BAALC: variants seen among roughly 807,000 people sequenced by gnomAD.
The protein encoded by BAALC is BAALC binder of MAP3K1 and KLF4.
BAALC carries 9 observed loss-of-function variants against 15.5 expected under a neutral mutation model. The observed-to-expected ratio is 0.58, with a 90% CI of 0.35 to 1.02. The LOEUF is 1.02. Among genes scored for constraint, BAALC ranks in the 50% least tolerant of loss-of-function variants. The probability of loss-of-function intolerance (pLI) is 0.02; values close to 1 mark genes in which losing one functional copy is unlikely to be tolerated. For synonymous variants in BAALC, 80 were observed against 74.6 expected (o/e 1.07, Z -0.37); for missense variants, 201 against 192.4 (o/e 1.04, Z -0.27).
chr8:103,149,885 A>G (rs1326666625), intron 1 of BAALC, among the ~76,000 whole-genome samples: 1 of 152,108 alleles, frequency 6.6e-6, no homozygotes, highest in Non-Finnish European at 1.5e-5. Context: ...AGCCCCCACA[A>G]CAGGCTCAGG....
At chr8:103,206,102 G>A (rs763955742) in intron 1 of BAALC, among the ~76,000 whole-genome samples, 2 of 152,212 alleles carry the variant, frequency 1.3e-5, no homozygotes, top group Non-Finnish European at 2.9e-5. Context: ...AGTTTCCAGA[G>A]TCTAGGGTTG....
intron 1 of BAALC, among the ~76,000 whole-genome samples, chr8:103,211,887 C>G (rs753751649): frequency 5.3e-5 from 8 of 152,152 alleles, no homozygotes; most frequent in Non-Finnish European, 2.9e-5. Context: ...GTAGAAAGTC[C>G]GGGCTACCTT....
chr8:103,205,186 G>A (rs1352305942), intron 1 of BAALC, among the ~76,000 whole-genome samples: 1 of 152,148 alleles, frequency 6.6e-6, no homozygotes, highest in Non-Finnish European at 1.5e-5. Context: ...CCCTTGACCT[G>A]CTCTCCACAT....
chr8:103,164,539 A>G (rs1811303116), intron 1 of BAALC, among the ~76,000 whole-genome samples: 1 of 152,180 alleles, frequency 6.6e-6, no homozygotes, highest in African/African-American at 2.4e-5. Context: ...ACTATTTCCT[A>G]CTAGACAAAT....
chr8:103,221,531 G>A (rs1253491866), intron 2 of BAALC, among the ~76,000 whole-genome samples: 1 of 152,042 alleles, frequency 6.6e-6, no homozygotes, highest in Non-Finnish European at 1.5e-5. Context: ...AAAAAGGTAT[G>A]GGGGGTGATG....
chr8:103,145,489 T>G (rs1300534365), intron 1 of BAALC, among the ~76,000 whole-genome samples: 2 of 152,232 alleles, frequency 1.3e-5, no homozygotes, highest in African/African-American at 2.4e-5. Flanking sequence ...ACAAGGGACC[T>G]ATGGCTAACT....
At chr8:103,197,927 A>G (rs1812131220) in intron 1 of BAALC, among the ~76,000 whole-genome samples, 1 of 152,210 alleles carries the variant, frequency 6.6e-6, no homozygotes, top group African/African-American at 2.4e-5. Context: ...TGGAGGAGAC[A>G]AGTATCAAAA....
chr8:103,220,659 A>G (rs1812656679), intron 2 of BAALC, among the ~76,000 whole-genome samples: 1 of 152,224 alleles, frequency 6.6e-6, no homozygotes, highest in African/African-American at 2.4e-5. Flanking sequence ...GCCAGGAAGG[A>G]AGTAAAGAAC....
At chr8:103,151,327 A>AT (rs1810981774) in intron 1 of BAALC, among the ~76,000 whole-genome samples, 1 of 152,126 alleles carries the variant, frequency 6.6e-6, no homozygotes, top group Non-Finnish European at 1.5e-5. Flanking sequence ...TAGGAATTTG[A>AT]TTTTAACAAC....
rs1016040544 is a variant in BAALC, at chr8:103,229,591, T to G, written c.*1492T>G. The G allele has an allele frequency of 6.6e-6, 1 of 152,232 alleles. No individual in the cohort carries two copies. The highest frequency in any genetic ancestry group is 2.4e-5 in the African/African-American group (1 of 41,460). The allele number at this position is 152,232 out of a possible 1,614,324, so 9.4% of individuals were successfully genotyped here. A position where few individuals can be genotyped will look rare whatever the true frequency, so the allele number is the denominator to read the frequency against. On this transcript the variant is annotated 3_prime_UTR_variant, in exon 3 of 3. Transcript: ENST00000309982. ...GAGGGATTTGGGGTCTGGTTAGTCG[T>G]GACTATCTATCCTGAATCTAACAGT... is the stretch of plus-strand genomic sequence containing the variant.
intron 1 of BAALC, among the ~76,000 whole-genome samples, chr8:103,198,614 T>C (rs1227957306): frequency 6.6e-6 from 1 of 152,092 alleles, no homozygotes; most frequent in East Asian, 1.9e-4. Flanking sequence ...TTTTTAAACA[T>C]AAAAGCTGGC....
rs138780770 is a variant in BAALC, at chr8:103,194,141, C to A, written c.161-18778C>A. Among the ~76,000 whole-genome samples the A allele has an allele frequency of 4.0e-4, 61 of 152,128 alleles. No homozygotes were observed. In the East Asian group the frequency reaches 0.011, roughly 28 times the overall value. ...AAGCAGGGAGAGATTTTCCCCAAAT[C>A]TTCTTTCCCTGATACCACTCTTCTG... On this transcript the variant is annotated intron_variant, in intron 1 of 2. Transcript: ENST00000309982.
chr8:103,147,651 G>A (rs1448264849), intron 1 of BAALC, among the ~76,000 whole-genome samples: 2 of 152,226 alleles, frequency 1.3e-5, no homozygotes, highest in East Asian at 1.9e-4. Flanking sequence ...TGCTGATAAG[G>A]CCATTCTGCC....
chr8:103,164,401 C>T (rs1211675426), intron 1 of BAALC, among the ~76,000 whole-genome samples: 1 of 152,146 alleles, frequency 6.6e-6, no homozygotes, highest in African/African-American at 2.4e-5. Flanking sequence ...TGTGTCTGCA[C>T]TGGAACCTCT....
At chr8:103,196,934 G>A (rs1262419707) in intron 1 of BAALC, among the ~76,000 whole-genome samples, 1 of 152,104 alleles carries the variant, frequency 6.6e-6, no homozygotes, top group Non-Finnish European at 1.5e-5. Context: ...ATGGGTCTGG[G>A]GAGAAGAAAA....
chr8:103,227,942 TG>T, intron 2 of BAALC, 46 bp from the exon 3 acceptor site: 1 of 1,343,422 alleles, frequency 7.4e-7, no homozygotes, highest in Non-Finnish European at 1.1e-6. Context: ...TCATTTTCTT[TG>T]GTTTACATTT....
At chr8:103,171,352 G>A (rs1586396172) in intron 1 of BAALC, among the ~76,000 whole-genome samples, 1 of 140,274 alleles carries the variant, frequency 7.1e-6, no homozygotes, top group African/African-American at 2.7e-5. Context: ...GGAGGAAAGA[G>A]CAAGGAAGGA....
chr8:103,154,001 C>T (rs1307284944), intron 1 of BAALC, among the ~76,000 whole-genome samples: 3 of 152,176 alleles, frequency 2.0e-5, no homozygotes, highest in Non-Finnish European at 4.4e-5. Flanking sequence ...AAACAACTGG[C>T]ATGTTTGAAA....
chr8:103,192,786 C>T (rs1812000514), intron 1 of BAALC, among the ~76,000 whole-genome samples: 1 of 152,320 alleles, frequency 6.6e-6, no homozygotes, highest in Non-Finnish European at 1.5e-5. Flanking sequence ...GCTGCCATTG[C>T]CATGGGACAG....
Sources: gnomAD v4.1 joint callset for allele counts (sites outside exome capture counted in the v4.1 genomes callset) on GRCh38, gnomAD v4.1.1 for gene constraint, MANE v1.5 for transcripts, NCBI Gene and HGNC (gene_info 2026-07-23, HGNC 2026-07-21) for gene names.